The following RAB10 variants were observed in gnomAD, a reference collection of about 807,000 sequenced individuals.
RAB10 encodes the protein ras-related protein Rab-10.
RAB10 carries 5 observed loss-of-function variants against 25.7 expected under a neutral mutation model. That is an observed-to-expected ratio of 0.19 (90% CI 0.10 to 0.41). The LOEUF is 0.41. RAB10 is among the 10% of genes least tolerant of loss of function. RAB10 has a pLI of 1.00. For synonymous variants in RAB10, 89 were observed against 86.4 expected (o/e 1.03, Z -0.16); for missense variants, 103 against 245.8 (o/e 0.42, Z 3.89).
At chr2:26,048,246 A>AT (rs1329044243) in intron 1 of RAB10, among the ~76,000 whole-genome samples, 1 of 152,194 alleles carries the variant, frequency 6.6e-6, no homozygotes, top group East Asian at 1.9e-4. Flanking sequence ...TTGTTGGGTC[A>AT]CATAGTAATT....
intron 1 of RAB10, among the ~76,000 whole-genome samples, chr2:26,048,752 G>A (rs1298577404): frequency 2.6e-5 from 4 of 152,168 alleles, no homozygotes; most frequent in Non-Finnish European, 4.4e-5. Flanking sequence ...GTGTGCACCT[G>A]TAGTTTCAGC....
chr2:26,131,100 G>A lies in RAB10; in HGVS notation c.519+3149G>A, dbSNP rs190657337. The stretch of plus-strand genomic sequence containing the variant: ...TAATTTTGTGCCCCAGTGAGATAGA[G>A]CTTTCCTTATTATCATTATTAAAGG... On this transcript the variant is annotated intron_variant, in intron 5 of 5. Coordinates refer to ENST00000264710, the MANE Select transcript of RAB10 (RefSeq NM_016131.5). 2.4e-4 allele frequency among the ~76,000 whole-genome samples: 36 copies of A among 148,520 alleles called. 1 individual carries two copies. Among genetic ancestry groups the A allele is most frequent in the Admixed American group, 2.4e-3 (36 of 14,882 alleles).
intron 1 of RAB10, among the ~76,000 whole-genome samples, chr2:26,057,849 C>G (rs1264855585): frequency 6.6e-6 from 1 of 152,136 alleles, no homozygotes; most frequent in Non-Finnish European, 1.5e-5. Context: ...GTCTCAAACT[C>G]CTGACCTCAA....
intron 1 of RAB10, among the ~76,000 whole-genome samples, chr2:26,091,404 T>C (rs1427253339): frequency 1.3e-5 from 2 of 152,036 alleles, no homozygotes; most frequent in Non-Finnish European, 2.9e-5. Context: ...GTTAGGGGAA[T>C]AGTACCTTTA....
At chr2:26,066,471 C>T (rs1381254667) in intron 1 of RAB10, among the ~76,000 whole-genome samples, 9 of 152,062 alleles carry the variant, frequency 5.9e-5, no homozygotes, top group African/African-American at 2.2e-4. Context: ...TGAAGAAATA[C>T]CAGAGACTGG....
intron 1 of RAB10, among the ~76,000 whole-genome samples, chr2:26,046,500 G>A (rs772368225): frequency 6.6e-6 from 1 of 152,108 alleles, no homozygotes; most frequent in Non-Finnish European, 1.5e-5. Context: ...CTTCTTTCCA[G>A]AGCTGAAAAA....
chr2:26,086,193 C>G (rs1438881839), intron 1 of RAB10, among the ~76,000 whole-genome samples: 1 of 151,732 alleles, frequency 6.6e-6, no homozygotes, highest in Admixed American at 6.6e-5. Context: ...TGGCAGTCCC[C>G]TGTAATCCCA....
chr2:26,109,952 GTGCT>G, intron 3 of RAB10, 46 bp downstream of exon 3: 2 of 1,474,826 alleles, frequency 1.4e-6, no homozygotes, highest in Middle Eastern at 1.8e-4. Flanking sequence ...ACACATTTGT[GTGCT>G]TGGTTAGGAA....
intron 1 of RAB10, among the ~76,000 whole-genome samples, chr2:26,080,960 A>G (rs1157678157): frequency 6.6e-6 from 1 of 152,132 alleles, no homozygotes; most frequent in African/African-American, 2.4e-5. Context: ...TCCCCACCCA[A>G]ATCTCATCTT....
intron 3 of RAB10, among the ~76,000 whole-genome samples, chr2:26,116,021 G>A (rs996533518): frequency 6.6e-6 from 1 of 151,742 alleles, no homozygotes; most frequent in African/African-American, 2.4e-5. Flanking sequence ...TGCCACGCCC[G>A]GCTAATTTTT....
At chr2:26,084,765 G>A (rs1666942411) in intron 1 of RAB10, among the ~76,000 whole-genome samples, 2 of 151,928 alleles carry the variant, frequency 1.3e-5, no homozygotes, top group African/African-American at 2.4e-5. Context: ...TTTTTTAAGG[G>A]TAAAATTCGA....
chr2:26,114,216 C>G (rs1371986896), intron 3 of RAB10, among the ~76,000 whole-genome samples: 1 of 152,014 alleles, frequency 6.6e-6, no homozygotes, highest in African/African-American at 2.4e-5. Flanking sequence ...TAAAAATTCC[C>G]CCCCGTAGAA....
At chr2:26,042,907 A>G (rs1314124604) in intron 1 of RAB10, 1 of 152,134 alleles carries the variant, frequency 6.6e-6, no homozygotes, top group Non-Finnish European at 1.5e-5. Flanking sequence ...CCACAGTGAG[A>G]TGTTACTTTG....
intron 2 of RAB10, chr2:26,102,169 T>C (rs1380561269): frequency 1.3e-5 from 2 of 152,374 alleles, no homozygotes; most frequent in East Asian, 3.9e-4. Flanking sequence ...TTAATCTCTT[T>C]TCTTGCTCTG....
At chr2:26,033,448 G>C (rs979210177), upstream of RAB10, among the ~76,000 whole-genome samples, 5 of 152,264 alleles carry the variant, frequency 3.3e-5, no homozygotes, top group Admixed American at 2.0e-4. Context: ...GGCGTGGCCA[G>C]CTTTTCCATC....
chr2:26,078,080 A>G (rs1559586566), intron 1 of RAB10, among the ~76,000 whole-genome samples: 1 of 152,244 alleles, frequency 6.6e-6, no homozygotes, highest in Non-Finnish European at 1.5e-5. Flanking sequence ...AGACAATTCC[A>G]TTTACAGTAG....
At chr2:26,049,685 A>G (rs1485708291) in intron 1 of RAB10, among the ~76,000 whole-genome samples, 1 of 152,186 alleles carries the variant, frequency 6.6e-6, no homozygotes, top group Non-Finnish European at 1.5e-5. Context: ...GGCATAAGCC[A>G]CTGTGCCTGG....
At chr2:26,080,406 A>G (rs1304099544) in intron 1 of RAB10, among the ~76,000 whole-genome samples, 3 of 152,186 alleles carry the variant, frequency 2.0e-5, no homozygotes, top group Non-Finnish European at 4.4e-5. Context: ...ATATGATGAG[A>G]AACATGATAA....
At chr2:26,068,748 T>TC (rs1666563263) in intron 1 of RAB10, among the ~76,000 whole-genome samples, 1 of 152,310 alleles carries the variant, frequency 6.6e-6, no homozygotes, top group African/African-American at 2.4e-5. Flanking sequence ...TTAACTCTGG[T>TC]TAACATATGG....
Sources: allele counts gnomAD v4.1 joint callset (sites outside exome capture counted in the v4.1 genomes callset), GRCh38; gene constraint gnomAD v4.1.1; transcripts MANE v1.5; gene names NCBI Gene and HGNC (gene_info 2026-07-23, HGNC 2026-07-21).